LIN52: variants seen among roughly 807,000 people sequenced by gnomAD.
LIN52 encodes lin-52 DREAM MuvB core complex component, also known as protein lin-52 homolog.
Under a neutral mutation model 18.5 loss-of-function variants are expected in LIN52, and 4 were observed. The ratio of observed to expected loss-of-function variants is 0.22; its 90% CI spans 0.11 to 0.49. LIN52 has a LOEUF of 0.49. Among genes scored for constraint, LIN52 ranks in the 20% least tolerant of loss-of-function variants. LIN52 has a pLI of 0.97. For synonymous variants in LIN52, 34 were observed against 45.5 expected (o/e 0.75, Z 1.02); for missense variants, 102 against 139.5 (o/e 0.73, Z 1.35).
chr14:74,186,947 C>T (rs1417233602), intron 5 of LIN52, among the ~76,000 whole-genome samples: 1 of 152,094 alleles, frequency 6.6e-6, no homozygotes, highest in Non-Finnish European at 1.5e-5. Flanking sequence ...GGCGTTATGG[C>T]ACATGCCTTT....
At chr14:74,110,004 G>T (rs1432227303) in intron 5 of LIN52, among the ~76,000 whole-genome samples, 1 of 152,192 alleles carries the variant, frequency 6.6e-6, no homozygotes, top group African/African-American at 2.4e-5. Flanking sequence ...GACGTGGCAG[G>T]AGTGGACATC....
chr14:74,163,300 A>C (rs971401513), intron 5 of LIN52, among the ~76,000 whole-genome samples: 3 of 151,998 alleles, frequency 2.0e-5, no homozygotes, highest in African/African-American at 4.8e-5. Context: ...GGCTGGTCTC[A>C]AACTTCTTAC....
chr14:74,148,488 GT>G (rs1471672051), intron 5 of LIN52, among the ~76,000 whole-genome samples: 1 of 152,116 alleles, frequency 6.6e-6, no homozygotes, highest in African/African-American at 2.4e-5. Context: ...GAGCATAGAA[GT>G]TGACAGAAAT....
At chr14:74,180,678 A>G (rs1455236230) in intron 5 of LIN52, among the ~76,000 whole-genome samples, 1 of 152,242 alleles carries the variant, frequency 6.6e-6, no homozygotes, top group Non-Finnish European at 1.5e-5. Flanking sequence ...AAACTAGTTT[A>G]GAACTCTAAC....
intron 5 of LIN52, among the ~76,000 whole-genome samples, chr14:74,173,062 C>T (rs1485349592): frequency 6.6e-6 from 1 of 151,974 alleles, no homozygotes; most frequent in African/African-American, 2.4e-5. Flanking sequence ...GACATAGAAC[C>T]TATAATTAAA....
chr14:74,145,441 T>C (rs1203074961), intron 5 of LIN52, among the ~76,000 whole-genome samples: 1 of 152,242 alleles, frequency 6.6e-6, no homozygotes, highest in Non-Finnish European at 1.5e-5. Context: ...CCAGTAAGCA[T>C]CCACTTTTGT....
intron 1 of LIN52, among the ~76,000 whole-genome samples, chr14:74,089,411 C>T (rs1388792607): frequency 1.3e-5 from 2 of 151,324 alleles, no homozygotes; most frequent in Non-Finnish European, 1.5e-5. Flanking sequence ...CTCTATCACC[C>T]AGGCTGGAGT....
At chr14:74,114,500 G>T (rs2060951518) in intron 5 of LIN52, 1 of 846,490 alleles carries the variant, frequency 1.2e-6, no homozygotes, top group African/African-American at 1.8e-5. Context: ...ATGTCTGGAT[G>T]GGGATGTTAC....
In LIN52 at chr14:74,189,626, A is replaced by G. The variant is rs141300586; in HGVS notation, c.284-9296A>G. 4.7e-3 allele frequency among the ~76,000 whole-genome samples: 710 copies of G among 152,336 alleles called. 1 individual carries two copies. Among genetic ancestry groups the G allele is most frequent in the African/African-American group, 0.014 (600 of 41,580 alleles). On this transcript the variant is annotated intron_variant, in intron 5 of 5. Transcript: ENST00000555028. ...GCTCTTAAAAGAGGGCAGAGCAAGG[A>G]GAGTTGATGGAGAAACAGTCTTTCA... is the stretch of plus-strand genomic sequence containing the variant.
intron 4 of LIN52, among the ~76,000 whole-genome samples, chr14:74,099,533 A>G (rs2060838861): frequency 1.3e-5 from 2 of 152,242 alleles, no homozygotes; most frequent in South Asian, 4.1e-4. Flanking sequence ...CCTAAAAGGA[A>G]TTGGGTGCTA....
At chr14:74,185,823 G>A (rs2058391) in intron 5 of LIN52, among the ~76,000 whole-genome samples, 46,621 of 151,968 alleles carry the variant, frequency 0.31, 9,181 homozygotes, top group Non-Finnish European at 0.42. Flanking sequence ...GTAGTGACAC[G>A]ATCATCCCTC....
At chr14:74,181,707 A>G (rs1449130723) in intron 5 of LIN52, among the ~76,000 whole-genome samples, 2 of 152,186 alleles carry the variant, frequency 1.3e-5, no homozygotes, top group East Asian at 3.9e-4. Flanking sequence ...TGTTCTAATT[A>G]TTTTAAACTA....
chr14:74,138,935 ATTT>A (rs5809649), intron 5 of LIN52, among the ~76,000 whole-genome samples: 38 of 146,870 alleles, frequency 2.6e-4, no homozygotes, highest in South Asian at 8.7e-4. Flanking sequence ...ACAAGGTAGC[ATTT>A]TTTTTTTTTT....
intron 5 of LIN52, among the ~76,000 whole-genome samples, chr14:74,145,760 A>G (rs550521231): frequency 6.6e-6 from 1 of 152,322 alleles, no homozygotes; most frequent in South Asian, 2.1e-4. Flanking sequence ...TTCTGGCACA[A>G]AGTGTTTTGT....
intron 5 of LIN52, among the ~76,000 whole-genome samples, chr14:74,108,253 A>G (rs1466790770): frequency 1.3e-5 from 2 of 152,162 alleles, no homozygotes; most frequent in Admixed American, 1.3e-4. Flanking sequence ...GATACGCCAC[A>G]TTGTATTTAT....
chr14:74,137,110 G>A (rs4140876), intron 5 of LIN52, among the ~76,000 whole-genome samples: 144,168 of 150,270 alleles, frequency 0.96, 69,225 homozygotes, highest in East Asian at 0.99. Context: ...AAAAAATTTT[G>A]ATCACCCAGC....
chr14:74,150,926 G>T (rs576042108), intron 5 of LIN52, among the ~76,000 whole-genome samples: 6 of 152,248 alleles, frequency 3.9e-5, no homozygotes, highest in Non-Finnish European at 7.4e-5. Flanking sequence ...TTCTTGAGCA[G>T]GCCTTATATA....
chr14:74,096,503 GT>G (rs1274186713), intron 3 of LIN52, among the ~76,000 whole-genome samples: 1 of 150,712 alleles, frequency 6.6e-6, no homozygotes, highest in East Asian at 1.9e-4. Context: ...TTGTTTTTTT[GT>G]TTTTTTTAAT....
chr14:74,138,373 G>T (rs1002583683), intron 5 of LIN52, among the ~76,000 whole-genome samples: 1 of 152,214 alleles, frequency 6.6e-6, no homozygotes, highest in African/African-American at 2.4e-5. Flanking sequence ...TTGATAAATT[G>T]TAACAGACTA....
Sources: gnomAD v4.1 joint callset for allele counts (sites outside exome capture counted in the v4.1 genomes callset) on GRCh38, gnomAD v4.1.1 for gene constraint, MANE v1.5 for transcripts, NCBI Gene and HGNC (gene_info 2026-07-23, HGNC 2026-07-21) for gene names.